Variants in RANBP17 observed in about 807,000 individuals in gnomAD.
The protein encoded by RANBP17 is ran-binding protein 17.
Under a neutral mutation model 141.2 loss-of-function variants are expected in RANBP17, and 158 were observed. The observed-to-expected ratio is 1.12, with a 90% CI of 0.98 to 1.28. RANBP17 has a LOEUF of 1.28. Ranked by LOEUF, RANBP17 falls within the 50% of genes most tolerant of loss-of-function variation. The pLI, the probability that RANBP17 is intolerant of heterozygous loss-of-function variation, is 0.00. For synonymous variants in RANBP17, 430 were observed against 450.0 expected, an observed-to-expected ratio of 0.96 and a Z score of 0.56; for missense variants, 1,438 against 1,290.7, an observed-to-expected ratio of 1.11 and a Z score of -1.75.
At chr5:171,166,425 A>AG (rs1443779452) in intron 14 of RANBP17, among the ~76,000 whole-genome samples, 1 of 143,040 alleles carries the variant, frequency 7.0e-6, no homozygotes, top group Non-Finnish European at 1.6e-5. Flanking sequence ...ACTGAAAGTG[A>AG]GTTTTTTTTT....
chr5:171,167,173 G>A (rs1486369937), intron 14 of RANBP17, among the ~76,000 whole-genome samples: 2 of 152,218 alleles, frequency 1.3e-5, no homozygotes, highest in Admixed American at 6.5e-5. Flanking sequence ...GAACACAACA[G>A]ACCTGCCTGC....
intron 14 of RANBP17, among the ~76,000 whole-genome samples, chr5:170,993,863 G>C (rs1778657001): frequency 6.6e-6 from 1 of 151,924 alleles, no homozygotes; most frequent in African/African-American, 2.4e-5. Flanking sequence ...CTTGCAAACA[G>C]AATTTAACAA....
At chr5:170,911,156 A>G (rs200789527) in intron 7 of RANBP17, 22 bp downstream of exon 7, 19 of 1,605,850 alleles carry the variant, frequency 1.2e-5, no homozygotes, top group Non-Finnish European at 1.4e-5. Flanking sequence ...CTTTGGTATG[A>G]AGGGTCATCA....
intron 22 of RANBP17, among the ~76,000 whole-genome samples, chr5:171,229,029 G>A (rs986506589): frequency 1.3e-5 from 2 of 152,118 alleles, no homozygotes; most frequent in South Asian, 4.1e-4. Flanking sequence ...CTATAGTTAT[G>A]TATAAATGAT....
intron 14 of RANBP17, among the ~76,000 whole-genome samples, chr5:170,989,764 C>A (rs1778381692): frequency 6.6e-6 from 1 of 151,552 alleles, no homozygotes; most frequent in Non-Finnish European, 1.5e-5. Context: ...ATGTTCTTAT[C>A]TAATATCCAG....
At chr5:171,297,385 G>A (rs971302847) in intron 27 of RANBP17, among the ~76,000 whole-genome samples, 1 of 152,058 alleles carries the variant, frequency 6.6e-6, no homozygotes, top group Admixed American at 6.5e-5. Context: ...CATGTGTTCA[G>A]GGGGCGAAAA....
At chr5:171,005,863 T>G (rs1003780393) in intron 14 of RANBP17, among the ~76,000 whole-genome samples, 1 of 151,866 alleles carries the variant, frequency 6.6e-6, no homozygotes, top group Non-Finnish European at 1.5e-5. Context: ...AGGGCTAATA[T>G]CCAGAATCTA....
At chr5:171,020,066 TG>T (rs1189351986) in intron 14 of RANBP17, among the ~76,000 whole-genome samples, 2 of 152,186 alleles carry the variant, frequency 1.3e-5, no homozygotes, top group African/African-American at 4.8e-5. Flanking sequence ...TCAGTTTCCA[TG>T]TAATTGTGTG....
intron 14 of RANBP17, among the ~76,000 whole-genome samples, chr5:171,068,821 A>G (rs919314818): frequency 6.6e-6 from 1 of 152,130 alleles, no homozygotes; most frequent in Non-Finnish European, 1.5e-5. Flanking sequence ...CTTGACCTCA[A>G]GTGATCTACT....
intron 24 of RANBP17, among the ~76,000 whole-genome samples, chr5:171,246,247 G>A (rs565461775): frequency 6.6e-6 from 1 of 152,278 alleles, no homozygotes; most frequent in African/African-American, 2.4e-5. Flanking sequence ...GAGAGCTGTA[G>A]AACTCTCTTA....
intron 14 of RANBP17, among the ~76,000 whole-genome samples, chr5:171,060,508 G>A (rs571184624): frequency 1.5e-3 from 225 of 152,226 alleles, no homozygotes; most frequent in African/African-American, 4.5e-3. Flanking sequence ...TCCCAGGGAT[G>A]AAGCCCACTT....
At chr5:170,941,211 G>GTCT (rs1241639147) in intron 12 of RANBP17, among the ~76,000 whole-genome samples, 1 of 151,972 alleles carries the variant, frequency 6.6e-6, no homozygotes, top group African/African-American at 2.4e-5. Flanking sequence ...AGAATGAGAG[G>GTCT]AACAGATTAA....
chr5:170,901,338 A>T (rs538383071), intron 5 of RANBP17, among the ~76,000 whole-genome samples: 1 of 151,982 alleles, frequency 6.6e-6, no homozygotes, highest in East Asian at 1.9e-4. Flanking sequence ...CAACCCCTGC[A>T]TTTTTTTGCT....
chr5:171,058,713 T>A (rs1011443863), intron 14 of RANBP17, among the ~76,000 whole-genome samples: 61 of 150,800 alleles, frequency 4.0e-4, no homozygotes, highest in Non-Finnish European at 7.1e-4. Flanking sequence ...TATTTCTAGT[T>A]CTAGATCCCT....
intron 19 of RANBP17, among the ~76,000 whole-genome samples, chr5:171,203,265 A>G (rs1218725443): frequency 3.3e-5 from 5 of 152,206 alleles, no homozygotes; most frequent in South Asian, 2.1e-4. Flanking sequence ...CTCAAATTCA[A>G]TAAGATCACC....
At chr5:171,245,733 TA>T (rs1396736375) in intron 24 of RANBP17, among the ~76,000 whole-genome samples, 1 of 152,200 alleles carries the variant, frequency 6.6e-6, no homozygotes, top group Non-Finnish European at 1.5e-5. Context: ...GCCCCACCAC[TA>T]AAGTGTTAAC....
At chr5:171,125,282 G>T (rs1403526512) in intron 14 of RANBP17, among the ~76,000 whole-genome samples, 2 of 125,240 alleles carry the variant, frequency 1.6e-5, no homozygotes, top group Non-Finnish European at 3.3e-5. Flanking sequence ...GGGTGACAGA[G>T]TGAGACTATG....
chr5:171,185,983 A>G (rs1761209462), intron 18 of RANBP17, among the ~76,000 whole-genome samples: 1 of 152,234 alleles, frequency 6.6e-6, no homozygotes, highest in Non-Finnish European at 1.5e-5. Context: ...TCAGTAAACC[A>G]TGCTGTAAAC....
intron 14 of RANBP17, among the ~76,000 whole-genome samples, chr5:170,975,047 A>G (rs2127540390): frequency 6.6e-6 from 1 of 152,260 alleles, no homozygotes; most frequent in Middle Eastern, 3.4e-3. Context: ...CTGCCAGTCC[A>G]GGCACACCTT....
Sources: allele counts gnomAD v4.1 joint callset (sites outside exome capture counted in the v4.1 genomes callset), GRCh38; gene constraint gnomAD v4.1.1; transcripts MANE v1.5; gene names NCBI Gene and HGNC (gene_info 2026-07-23, HGNC 2026-07-21).